PXDNL: variants seen among roughly 807,000 people sequenced by gnomAD.
The protein encoded by PXDNL is probable oxidoreductase PXDNL.
A neutral mutation model predicts 150.8 loss-of-function variants in PXDNL; 145 were observed. The observed-to-expected ratio is 0.96, with a 90% CI of 0.84 to 1.10. The LOEUF is 1.10. Ranked by LOEUF, PXDNL falls within the 50% of genes least tolerant of loss-of-function variation. PXDNL has a pLI of 0.00. For missense variants in PXDNL, 2,087 were observed against 1,873.9 expected (o/e 1.11, Z -2.10); for synonymous variants, 757 against 725.7 (o/e 1.04, Z -0.69).
intron 1 of PXDNL, among the ~76,000 whole-genome samples, chr8:51,729,679 C>A (rs1287968952): frequency 6.6e-6 from 1 of 152,194 alleles, no homozygotes; most frequent in Non-Finnish European, 1.5e-5. Context: ...TTAATTCACA[C>A]AGAACCTGCA....
chr8:51,809,206 G>C lies in PXDNL; in HGVS notation c.139C>G (p.Gln47Glu), dbSNP rs1253371482. The change falls in exon 1 of 23, where the codon CAG becomes GAG. Residue 47 changes from glutamine (Q) to glutamate (E), a missense_variant. Gln to Glu is a conservative substitution (Grantham distance 29). Transcript: ENST00000356297. ...CMHLMLDHIP[Q>E]VPQQTTVLDL... The stretch of plus-strand genomic sequence containing the variant: ...AGAACTGTGGTCTGCTGTGGTACCT[G>C]AGGAATGTGGTCCAGCATCAAGTGC... The C allele has an allele frequency of 1.9e-6, 3 of 1,613,826 alleles. No individual in the cohort carries two copies. In the African/African-American group the frequency reaches 4.0e-5, roughly 22 times the overall value.
intron 2 of PXDNL, among the ~76,000 whole-genome samples, chr8:51,638,238 G>T (rs961916063): frequency 5.9e-5 from 9 of 152,184 alleles, no homozygotes; most frequent in African/African-American, 1.9e-4. Flanking sequence ...ACCAGCCACT[G>T]CAAAAACATG....
chr8:51,463,751 C>A (rs1430145234), intron 8 of PXDNL, among the ~76,000 whole-genome samples: 1 of 152,070 alleles, frequency 6.6e-6, no homozygotes, highest in Non-Finnish European at 1.5e-5. Flanking sequence ...TCATACCAAC[C>A]ATACTCTCAG....
intron 5 of PXDNL, among the ~76,000 whole-genome samples, chr8:51,496,321 T>C (rs937047627): frequency 6.6e-6 from 1 of 152,184 alleles, no homozygotes; most frequent in Non-Finnish European, 1.5e-5. Flanking sequence ...ACAGCCAATA[T>C]CATACTGAAT....
intron 16 of PXDNL, among the ~76,000 whole-genome samples, chr8:51,409,774 T>C (rs1174191484): frequency 6.6e-6 from 1 of 152,050 alleles, no homozygotes; most frequent in Non-Finnish European, 1.5e-5. Flanking sequence ...CCGGGATTAC[T>C]TTTGAGCGTT....
chr8:51,744,863 G>T lies in PXDNL; in HGVS notation c.164+64318C>A, dbSNP rs557421232. The stretch of plus-strand genomic sequence containing the variant: ...AAGGAAGGAAGGAAAGAAGGAAAGA[G>T]AAAGAAAAGGGAAAGAGAAAGAGAA... On this transcript the variant is annotated intron_variant, in intron 1 of 22. Coordinates refer to ENST00000356297, the MANE Select transcript of PXDNL (RefSeq NM_144651.5). Among the ~76,000 whole-genome samples the T allele has an allele frequency of 2.8e-5, 4 of 143,316 alleles. No homozygotes were observed. In the East Asian group the frequency reaches 8.2e-4, roughly 29 times the overall value. 94.0% of individuals were successfully genotyped at this position (143,316 alleles called of 152,430 possible).
chr8:51,701,611 C>T lies in PXDNL; in HGVS notation c.165-46851G>A, dbSNP rs554058874. Among the ~76,000 whole-genome samples the T allele has an allele frequency of 1.4e-4, 21 of 152,282 alleles. No individual in the cohort carries two copies. In the East Asian group the frequency reaches 4.0e-3, roughly 29 times the overall value. ...GCATCATCTCTGCAGTCATATATTTCACACTGCATTCCACATTGCTGTAAT... is the reference window on the plus strand; with the variant it reads ...GCATCATCTCTGCAGTCATATATTTTACACTGCATTCCACATTGCTGTAAT... On this transcript the variant is annotated intron_variant, in intron 1 of 22. Transcript: ENST00000356297.
chr8:51,343,559 C>A (rs905018031), intron 20 of PXDNL, among the ~76,000 whole-genome samples: 2 of 152,052 alleles, frequency 1.3e-5, no homozygotes, highest in African/African-American at 4.8e-5. Flanking sequence ...AATGGGCCAC[C>A]CAGAGTATTA....
chr8:51,796,222 G>A (rs956237756), intron 1 of PXDNL, among the ~76,000 whole-genome samples: 4 of 150,820 alleles, frequency 2.7e-5, no homozygotes, highest in African/African-American at 9.8e-5. Flanking sequence ...AGAGAACTAA[G>A]AGAAAACAAA....
intron 1 of PXDNL, among the ~76,000 whole-genome samples, chr8:51,675,644 T>G (rs1203050442): frequency 6.6e-6 from 1 of 151,504 alleles, no homozygotes; most frequent in African/African-American, 2.4e-5. Flanking sequence ...AATACAAAAA[T>G]TAGCTGGGTG....
chr8:51,521,327 AT>A lies in PXDNL; in HGVS notation c.381-21558del, dbSNP rs576443734. Among the ~76,000 whole-genome samples, 8 of 9,604 alleles carry A rather than the reference AT, an allele frequency of 8.3e-4. No individual in the cohort carries two copies. In the South Asian group the frequency reaches 0.39, roughly 467 times the overall value. 6.3% of individuals were successfully genotyped at this position (9,604 alleles called of 152,430 possible). A position where few individuals can be genotyped will look rare whatever the true frequency, so the allele number is the denominator to read the frequency against. ...AGATAATCTCAGAGAGATGGAAACT[AT>A]AAAAAAAAAGAAAATATTTTAACTC... is the stretch of plus-strand genomic sequence containing the variant. On this transcript the variant is annotated intron_variant, in intron 4 of 22. Coordinates refer to ENST00000356297, the MANE Select transcript of PXDNL (RefSeq NM_144651.5).
At chr8:51,567,864 C>A (rs753752353) in intron 3 of PXDNL, among the ~76,000 whole-genome samples, 3 of 151,680 alleles carry the variant, frequency 2.0e-5, no homozygotes, top group African/African-American at 4.8e-5. Context: ...CTGATAATAC[C>A]TAATACAATA....
intron 17 of PXDNL, among the ~76,000 whole-genome samples, chr8:51,403,911 A>C (rs1808350273): frequency 6.6e-6 from 1 of 152,074 alleles, no homozygotes; most frequent in African/African-American, 2.4e-5. Flanking sequence ...GTGTGTCCGG[A>C]GTTTGTTCCT....
At chr8:51,419,334 G>GTAA (rs1215280273) in intron 14 of PXDNL, among the ~76,000 whole-genome samples, 1 of 152,250 alleles carries the variant, frequency 6.6e-6, no homozygotes, top group African/African-American at 2.4e-5. Flanking sequence ...TGTCTCAATG[G>GTAA]TAAGAATTTT....
Position 51,702,811 on chromosome 8 carries a change from T to C in PXDNL, c.165-48051A>G, listed in dbSNP as rs184933635. ...ACATCAATGGCCCCCACTTGATCAG[T>C]TGTTGTCAAATGTATCCAATCAATC... On this transcript the variant is annotated intron_variant, in intron 1 of 22. Coordinates refer to ENST00000356297, the MANE Select transcript of PXDNL (RefSeq NM_144651.5). Among the ~76,000 whole-genome samples, 20 of 152,334 alleles carry C rather than the reference T, an allele frequency of 1.3e-4. No individual in the cohort carries two copies. In the East Asian group the frequency reaches 2.9e-3, roughly 22 times the overall value.
At chr8:51,520,046 G>A (rs576667943) in intron 4 of PXDNL, among the ~76,000 whole-genome samples, 1 of 152,300 alleles carries the variant, frequency 6.6e-6, no homozygotes, top group Admixed American at 6.5e-5. Flanking sequence ...GTGGACTGCG[G>A]TTGTGGGTAT....
chr8:51,619,555 C>T lies in PXDNL; in HGVS notation c.237-26857G>A, dbSNP rs184017031. 1.8e-3 allele frequency among the ~76,000 whole-genome samples: 268 copies of T among 152,234 alleles called. 1 individual carries two copies. Among genetic ancestry groups the T allele is most frequent in the Middle Eastern group, 0.01 (3 of 294 alleles). Reference sequence around the variant, plus strand: ...GGGGTGGATTTCCCCTTCGGTGCTCCTCTCATGATACTGAGTGAGAGCTCA... The same window carrying T: ...GGGGTGGATTTCCCCTTCGGTGCTCTTCTCATGATACTGAGTGAGAGCTCA... On this transcript the variant is annotated intron_variant, in intron 2 of 22. Transcript: ENST00000356297.
At chr8:51,499,801 CT>C (rs780682923) in intron 4 of PXDNL, 31 bp from the exon 5 acceptor site, 11 of 1,413,328 alleles carry the variant, frequency 7.8e-6, no homozygotes, top group Non-Finnish European at 1.1e-5. Flanking sequence ...TTGGTTACTC[CT>C]TGTGCTGGTG....
chr8:51,593,657 A>C (rs144137340), intron 2 of PXDNL, among the ~76,000 whole-genome samples: 70 of 152,344 alleles, frequency 4.6e-4, no homozygotes, highest in African/African-American at 1.6e-3. Context: ...GGCAGCCTAG[A>C]GATCCCCAAG....
Sources: gnomAD v4.1 joint callset for allele counts (sites outside exome capture counted in the v4.1 genomes callset) on GRCh38, gnomAD v4.1.1 for gene constraint, MANE v1.5 for transcripts, NCBI Gene and HGNC (gene_info 2026-07-23, HGNC 2026-07-21) for gene names.